The following SPAG16 variants were observed in gnomAD, a reference collection of about 807,000 sequenced individuals.
SPAG16 encodes sperm associated antigen 16, also known as sperm-associated antigen 16 protein.
SPAG16 carries 86 observed loss-of-function variants against 80.4 expected under a neutral mutation model. The observed-to-expected ratio is 1.07, with a 90% confidence interval of 0.90 to 1.28. SPAG16 has a LOEUF of 1.28. Among genes scored for constraint, SPAG16 ranks in the 50% most tolerant of loss-of-function variants. The pLI, the probability that SPAG16 is intolerant of heterozygous loss-of-function variation, is 0.00. For missense variants in SPAG16, 870 were observed against 765.3 expected (o/e 1.14, Z -1.61); for synonymous variants, 294 against 265.9 (o/e 1.11, Z -1.03).
At chr2:213,806,115 GC>G in intron 10 of SPAG16, among the ~76,000 whole-genome samples, 1 of 152,242 alleles carries the variant, frequency 6.6e-6, no homozygotes, top group East Asian at 1.9e-4. Context: ...TTATTAATGT[GC>G]TCAGCACACA....
chr2:214,376,722 CTGTT>C (rs1264168014), intron 15 of SPAG16, among the ~76,000 whole-genome samples: 5 of 152,108 alleles, frequency 3.3e-5, no homozygotes, highest in Non-Finnish European at 2.9e-5. Context: ...AACGACTTGT[CTGTT>C]TGACCTTTTT....
At chr2:213,489,604 C>G (rs1006652731) in intron 9 of SPAG16, among the ~76,000 whole-genome samples, 1 of 151,952 alleles carries the variant, frequency 6.6e-6, no homozygotes, top group Non-Finnish European at 1.5e-5. Context: ...TGTAGACTTT[C>G]GACTGCTGAC....
chr2:213,566,409 T>C (rs2059766879), intron 10 of SPAG16, among the ~76,000 whole-genome samples: 1 of 152,186 alleles, frequency 6.6e-6, no homozygotes, highest in South Asian at 2.1e-4. Context: ...TCAATTTGTT[T>C]CTCTCACCCC....
At chr2:213,610,308 G>C (rs2061400778) in intron 10 of SPAG16, among the ~76,000 whole-genome samples, 1 of 152,136 alleles carries the variant, frequency 6.6e-6, no homozygotes, top group South Asian at 2.1e-4. Flanking sequence ...AATCTGGCTT[G>C]ATGTAGCCAG....
intron 10 of SPAG16, among the ~76,000 whole-genome samples, chr2:213,663,603 T>C (rs1191562076): frequency 1.3e-5 from 2 of 152,090 alleles, no homozygotes; most frequent in Non-Finnish European, 2.9e-5. Context: ...TCCATCCTGT[T>C]TGATGCAATA....
chr2:213,468,497 A>G (rs1283281384), intron 9 of SPAG16, among the ~76,000 whole-genome samples: 5 of 69,574 alleles, frequency 7.2e-5, no homozygotes, highest in African/African-American at 1.7e-4. Context: ...ATATGTATTT[A>G]TATATAGATA....
chr2:214,366,756 A>G (rs1699506687), intron 15 of SPAG16, among the ~76,000 whole-genome samples: 1 of 152,208 alleles, frequency 6.6e-6, no homozygotes, highest in Non-Finnish European at 1.5e-5. Flanking sequence ...ATACACAAAG[A>G]GAAAGTAATG....
At chr2:214,114,592 TG>T (rs1220776543) in intron 14 of SPAG16, among the ~76,000 whole-genome samples, 3 of 152,180 alleles carry the variant, frequency 2.0e-5, no homozygotes, top group Non-Finnish European at 4.4e-5. Context: ...TCCATGAGCG[TG>T]GGACCCCCTG....
chr2:213,844,420 G>C (rs750122445), intron 10 of SPAG16, among the ~76,000 whole-genome samples: 2 of 152,158 alleles, frequency 1.3e-5, no homozygotes, highest in Non-Finnish European at 2.9e-5. Context: ...GCAGACTGAA[G>C]GATGTTAAGC....
intron 10 of SPAG16, among the ~76,000 whole-genome samples, chr2:213,664,969 A>G (rs1231004324): frequency 1.3e-5 from 2 of 152,000 alleles, no homozygotes; most frequent in Non-Finnish European, 1.5e-5. Context: ...CCTATTTACT[A>G]CTATACTCAG....
At chr2:213,769,602 T>C (rs1048604181) in intron 10 of SPAG16, among the ~76,000 whole-genome samples, 12 of 152,222 alleles carry the variant, frequency 7.9e-5, no homozygotes, top group African/African-American at 2.9e-4. Context: ...CTGATTTTTA[T>C]AAATTCTCTT....
At chr2:213,917,329 A>T (rs1444096091) in intron 11 of SPAG16, among the ~76,000 whole-genome samples, 1 of 152,208 alleles carries the variant, frequency 6.6e-6, no homozygotes, top group South Asian at 2.1e-4. Context: ...TGGTACTTTG[A>T]TAGAAATAGC....
chr2:213,452,747 T>G (rs918008529), intron 9 of SPAG16, among the ~76,000 whole-genome samples: 1 of 152,244 alleles, frequency 6.6e-6, no homozygotes, highest in Non-Finnish European at 1.5e-5. Context: ...TCTCTTTTTT[T>G]CAGGTGCTGA....
intron 10 of SPAG16, among the ~76,000 whole-genome samples, chr2:213,507,808 C>T (rs1223909966): frequency 6.6e-6 from 1 of 152,222 alleles, no homozygotes; most frequent in Non-Finnish European, 1.5e-5. Context: ...CTTAGGTGCT[C>T]ACCTGTGTGA....
chr2:214,236,338 G>T (rs1418183574), intron 15 of SPAG16, among the ~76,000 whole-genome samples: 3 of 152,128 alleles, frequency 2.0e-5, no homozygotes, highest in Non-Finnish European at 4.4e-5. Flanking sequence ...AAGGAAACTG[G>T]GTATGAATAC....
intron 15 of SPAG16, among the ~76,000 whole-genome samples, chr2:214,384,620 A>G (rs1406357429): frequency 6.6e-6 from 1 of 152,214 alleles, no homozygotes; most frequent in East Asian, 1.9e-4. Context: ...TGGATAAACA[A>G]TCTGTATCCT....
rs114395789 is a variant in SPAG16 at position 213,565,747 on chromosome 2, T to C, written c.1070+75657T>C. Among the ~76,000 whole-genome samples, 111 of 152,320 alleles carry C rather than the reference T, an allele frequency of 7.3e-4. 2 individuals carry two copies. The highest frequency in any genetic ancestry group is 3.4e-3 in the Middle Eastern group (1 of 294). The stretch of plus-strand genomic sequence containing the variant: ...CTAGGAGTTAAGAATCAACTAGTAA[T>C]AGCCCAGGCCTCAGAAGGATGGAAG... On this transcript the variant is annotated intron_variant, in intron 10 of 15. Coordinates refer to ENST00000331683, the MANE Select transcript of SPAG16 (RefSeq NM_024532.5).
intron 10 of SPAG16, among the ~76,000 whole-genome samples, chr2:213,757,807 C>T (rs764254511): frequency 6.6e-5 from 10 of 152,028 alleles, no homozygotes; most frequent in Non-Finnish European, 8.8e-5. Context: ...ATCCAAATAT[C>T]GGCAATCTTT....
At chr2:214,066,153 T>G (rs534137053) in intron 13 of SPAG16, among the ~76,000 whole-genome samples, 1 of 152,270 alleles carries the variant, frequency 6.6e-6, no homozygotes, top group African/African-American at 2.4e-5. Context: ...TGTCACCTTT[T>G]GCTAATTCCA....
Sources: allele counts gnomAD v4.1 joint callset (sites outside exome capture counted in the v4.1 genomes callset), GRCh38; gene constraint gnomAD v4.1.1; transcripts MANE v1.5; gene names NCBI Gene and HGNC (gene_info 2026-07-23, HGNC 2026-07-21).